The following API5 variants were observed in gnomAD, a reference collection of about 807,000 sequenced individuals.
API5 encodes the protein apoptosis inhibitor 5.
A neutral mutation model predicts 71.9 loss-of-function variants in API5; 6 were observed. The observed-to-expected ratio is 0.08, with a 90% CI of 0.05 to 0.16. The LOEUF is 0.16. API5 is among the 10% of genes least tolerant of loss of function. The probability of loss-of-function intolerance (pLI) is 1.00; values close to 1 mark genes in which losing one functional copy is unlikely to be tolerated. For synonymous variants in API5, 189 were observed against 221.3 expected (o/e 0.85, Z 1.30); for missense variants, 332 against 612.8 (o/e 0.54, Z 4.84).
intron 1 of API5, among the ~76,000 whole-genome samples, chr11:43,316,706 A>G (rs2134340752): frequency 6.6e-6 from 1 of 152,146 alleles, no homozygotes; most frequent in South Asian, 2.1e-4. Flanking sequence ...ACAGCCTCTA[A>G]CTCCTGGGCG....
chr11:43,327,256 C>T (rs1487201781), intron 7 of API5, among the ~76,000 whole-genome samples: 1 of 152,192 alleles, frequency 6.6e-6, no homozygotes, highest in African/African-American at 2.4e-5. Context: ...GGGCTAGGCC[C>T]ATCAGACTGG....
At chr11:43,322,195 T>C in intron 5 of API5, 59 bp downstream of exon 5, 1 of 1,486,988 alleles carries the variant, frequency 6.7e-7, no homozygotes, top group East Asian at 2.3e-5. Context: ...TACTTGACAT[T>C]GGCAGTATTC....
intron 1 of API5, among the ~76,000 whole-genome samples, chr11:43,315,777 C>A (rs1393584418): frequency 6.6e-6 from 1 of 152,128 alleles, no homozygotes; most frequent in African/African-American, 2.4e-5. Context: ...CTTGTGTGCT[C>A]CTTTACCTTT....
chr11:43,334,702 CT>C (rs1855371196), intron 11 of API5, among the ~76,000 whole-genome samples: 1 of 152,124 alleles, frequency 6.6e-6, no homozygotes, highest in South Asian at 2.1e-4. Flanking sequence ...ATTCCTACCA[CT>C]TTGATCACTC....
At position 43,327,863 on chromosome 11, in the gene API5, A is replaced by G. The variant is rs779636648; in HGVS notation, c.930A>G (p.Leu310=). The change falls in exon 8 of 14, where the codon CTA becomes CTG. Residue 310 remains leucine, a synonymous_variant. Transcript: ENST00000531273. Reference sequence around the variant, plus strand: ...AACTAGAAACAAATTTAAGGAAACTATTTGATAAGTTATTGGTAAGAACTT... The same window carrying G: ...AACTAGAAACAAATTTAAGGAAACTGTTTGATAAGTTATTGGTAAGAACTT... ...MEKLETNLRK[L]FDKLLEYMPL... is the part of the protein sequence containing the mutation. 3.1e-6 allele frequency: 5 copies of G among 1,611,486 alleles called. No individual in the cohort carries two copies. In the Admixed American group the frequency reaches 6.7e-5, roughly 22 times the overall value.
At position 43,337,059 on chromosome 11, in the gene API5, C is replaced by T. The variant is rs1001254267; in HGVS notation, c.1492+1065C>T. Among the ~76,000 whole-genome samples the T allele has an allele frequency of 1.3e-5, 2 of 149,990 alleles. 1 individual carries two copies. Among genetic ancestry groups the T allele is most frequent in the East Asian group, 3.9e-4 (2 of 5,084 alleles). ...CAAAGTTTAGGCAGGCATGGTAGCT[C>T]ACACATGTAAACCCAACACTTTCGG... On this transcript the variant is annotated intron_variant, in intron 13 of 13. Transcript: ENST00000531273.
chr11:43,321,982 C>T lies in API5; in HGVS notation c.392-3C>T, dbSNP rs1854907971. ...TGCTACAGGCAACTATTTTGTTTTG[C>T]AGGGACTTTAGGTGGGTTGTTCAGC... On this transcript the variant is annotated splice_polypyrimidine_tract_variant and splice_region_variant and intron_variant, in intron 4 of 13. Transcript: ENST00000531273. 12 of 1,605,636 alleles carry T rather than the reference C, an allele frequency of 7.5e-6. No homozygotes were observed. The highest frequency in any genetic ancestry group is 1.7e-5 in the Admixed American group (1 of 58,338).
At chr11:43,341,185 A>G (rs1855600730) in intron 13 of API5, among the ~76,000 whole-genome samples, 1 of 152,236 alleles carries the variant, frequency 6.6e-6, no homozygotes, top group African/African-American at 2.4e-5. Flanking sequence ...AACACTAAGC[A>G]TCAGGGTAAT....
At chr11:43,324,669 CATTTATTTATTT>C (rs559979340) in intron 6 of API5, among the ~76,000 whole-genome samples, 2 of 151,766 alleles carry the variant, frequency 1.3e-5, no homozygotes, top group African/African-American at 4.8e-5. Flanking sequence ...GTCCACAATT[CATTTATTTATTT>C]ATTTATTTAT....
At chr11:43,319,647 A>G (rs1854798259) in intron 2 of API5, among the ~76,000 whole-genome samples, 1 of 152,096 alleles carries the variant, frequency 6.6e-6, no homozygotes, top group Non-Finnish European at 1.5e-5. Flanking sequence ...TCCTGGCCTC[A>G]AGCTATCCTC....
chr11:43,323,943 G>T (rs1019803789), intron 6 of API5, among the ~76,000 whole-genome samples: 2 of 152,196 alleles, frequency 1.3e-5, no homozygotes, highest in Admixed American at 1.3e-4. Flanking sequence ...GATGAGGGAT[G>T]CTTGGTCTGT....
At chr11:43,337,905 T>G (rs1472156588) in intron 13 of API5, among the ~76,000 whole-genome samples, 1 of 152,182 alleles carries the variant, frequency 6.6e-6, no homozygotes, top group South Asian at 2.1e-4. Context: ...TCAGGTGATA[T>G]AATGCATGTG....
chr11:43,312,991 T>C (rs10734514), intron 1 of API5, among the ~76,000 whole-genome samples: 149,242 of 151,928 alleles, frequency 0.98, 73,358 homozygotes, highest in East Asian at 1. Flanking sequence ...CTTGTAATCC[T>C]AGCTACTCAG....
chr11:43,322,236 T>C, intron 5 of API5, 100 bp downstream of exon 5: 1 of 1,189,558 alleles, frequency 8.4e-7, no homozygotes, highest in South Asian at 1.8e-5. Flanking sequence ...GTGTATAAAA[T>C]GATATATCAT....
chr11:43,312,139 A>G lies in API5; in HGVS notation c.12A>G (p.Val4=). 1 of 1,613,886 alleles carries G rather than the reference A, an allele frequency of 6.2e-7. No homozygotes were observed. The highest frequency in any genetic ancestry group is 1.1e-5 in the South Asian group (1 of 91,078). MPT[V]EELYRNYGIL... Reference sequence around the variant, plus strand: ...GCTTGTCGCTCACCATGCCGACAGTAGAGGAGCTTTACCGCAATTATGGCA... The same window carrying G: ...GCTTGTCGCTCACCATGCCGACAGTGGAGGAGCTTTACCGCAATTATGGCA... The change falls in exon 1 of 14, where the codon GTA becomes GTG. Residue 4 remains valine, a synonymous_variant. Coordinates refer to ENST00000531273, the MANE Select transcript of API5 (RefSeq NM_001142930.2).
chr11:43,324,652 A>G (rs1590360203), intron 6 of API5, among the ~76,000 whole-genome samples: 2 of 152,054 alleles, frequency 1.3e-5, no homozygotes, highest in African/African-American at 4.8e-5. Flanking sequence ...ATCCAACACT[A>G]AAAGATGTCC....
chr11:43,334,211 A>G (rs1001703114), intron 11 of API5, among the ~76,000 whole-genome samples: 2 of 152,128 alleles, frequency 1.3e-5, no homozygotes, highest in African/African-American at 4.8e-5. Flanking sequence ...ATTTCTTGCA[A>G]TCTTTACCTA....
intron 11 of API5, among the ~76,000 whole-genome samples, chr11:43,333,126 C>G (rs1419642591): frequency 1.3e-5 from 2 of 152,064 alleles, no homozygotes; most frequent in Non-Finnish European, 2.9e-5. Flanking sequence ...GGACAAAAAC[C>G]AAAATGCAGT....
At chr11:43,331,453 T>G (rs1301972501) in intron 11 of API5, 1 of 183,834 alleles carries the variant, frequency 5.4e-6, no homozygotes, top group Non-Finnish European at 1.1e-5. Context: ...ATATGTATTA[T>G]GTACTGTATT....
Sources: allele counts gnomAD v4.1 joint callset (sites outside exome capture counted in the v4.1 genomes callset), GRCh38; gene constraint gnomAD v4.1.1; transcripts MANE v1.5; gene names NCBI Gene and HGNC (gene_info 2026-07-23, HGNC 2026-07-21).